DLG5: variants seen among roughly 807,000 people sequenced by gnomAD.
DLG5 encodes the protein disks large homolog 5.
Under a neutral mutation model 189.8 loss-of-function variants are expected in DLG5, and 48 were observed. The observed-to-expected ratio is 0.25, with a 90% CI of 0.20 to 0.32. DLG5 has a LOEUF of 0.32. DLG5 is among the 10% of genes least tolerant of loss of function. The pLI is 1.00. For missense variants in DLG5, 2,160 were observed against 2,544.7 expected, an observed-to-expected ratio of 0.85 and a Z score of 3.25; for synonymous variants, 1,016 against 1,054.1, an observed-to-expected ratio of 0.96 and a Z score of 0.70.
At chr10:77,833,818 C>T in intron 9 of DLG5, 96 bp downstream of exon 9, 4 of 1,534,716 alleles carry the variant, frequency 2.6e-6, no homozygotes, top group Non-Finnish European at 3.5e-6. Context: ...GGATGAGGCC[C>T]TGGCCAATGC....
At chr10:77,897,635 G>A (rs930062170) in intron 1 of DLG5, among the ~76,000 whole-genome samples, 2 of 149,296 alleles carry the variant, frequency 1.3e-5, no homozygotes, top group South Asian at 2.2e-4. Context: ...ACCAGCCTGG[G>A]CAACATAGTG....
chr10:77,817,175 G>C (rs1866435), intron 18 of DLG5, 79 bp from the exon 19 acceptor site: 4 of 1,307,562 alleles, frequency 3.1e-6, no homozygotes, highest in Non-Finnish European at 4.4e-6. Context: ...CAGGCTACCA[G>C]TCAGGATAAT....
At chr10:77,806,731 C>A in intron 26 of DLG5, 27 bp downstream of exon 26, 2 of 1,572,174 alleles carry the variant, frequency 1.3e-6, no homozygotes, top group South Asian at 1.1e-5. Flanking sequence ...CCTGCCCCAC[C>A]CCACCCCAGG....
At chr10:77,832,125 C>G (rs188378490) in intron 9 of DLG5, among the ~76,000 whole-genome samples, 1 of 152,098 alleles carries the variant, frequency 6.6e-6, no homozygotes, top group Non-Finnish European at 1.5e-5. Context: ...CAAGAATCAC[C>G]TGAACCCAGG....
intron 20 of DLG5, 144 bp downstream of exon 20, chr10:77,816,407 T>C (rs970299926): frequency 6.4e-5 from 83 of 1,306,114 alleles, no homozygotes; most frequent in Non-Finnish European, 8.4e-5. Flanking sequence ...CCATGGCACT[T>C]ACTGGTGACA....
chr10:77,879,640 T>G (rs1293187826), intron 1 of DLG5, among the ~76,000 whole-genome samples: 1 of 151,512 alleles, frequency 6.6e-6, no homozygotes, highest in African/African-American at 2.4e-5. Context: ...GAGCTTTTCT[T>G]TCTTTCCTAT....
At chr10:77,868,269 T>TATTTA (rs1844768083) in intron 2 of DLG5, 1 of 370,522 alleles carries the variant, frequency 2.7e-6, no homozygotes, top group Admixed American at 3.3e-5. Context: ...TTACTGCAGC[T>TATTTA]ACTTATTTAA....
At chr10:77,806,020 A>AGG in intron 26 of DLG5, 159 bp from the exon 27 acceptor site, 1 of 668,246 alleles carries the variant, frequency 1.5e-6, no homozygotes, top group Non-Finnish European at 2.5e-6. Context: ...CGCCCCTGGG[A>AGG]ACCCTCGGTA....
chr10:77,816,692 G>A lies in DLG5; in HGVS notation c.3884C>T (p.Ser1295Leu), dbSNP rs1842070054. Residue 1295 changes from serine to leucine, a missense_variant, in exon 20 of 32, where the codon TCA becomes TTA. By Grantham distance (145) the Ser-to-Leu change is moderately radical. This residue lies in a region of DLG5 where 754 missense variants were observed against 746.5 expected (regional missense o/e 1.01). Coordinates refer to ENST00000372391, the MANE Select transcript of DLG5 (RefSeq NM_004747.4). ...SVVGSERGSV[S>L]HSECSTPPQS... ...TGGAGGAGTGCTGCATTCAGAATGTGACACTGAACCTGCAGAGAGGAGCGG... is the reference window on the plus strand; with the variant it reads ...TGGAGGAGTGCTGCATTCAGAATGTAACACTGAACCTGCAGAGAGGAGCGG... 6.2e-7 allele frequency: 1 copy of A among 1,609,070 alleles called. No homozygotes were observed. Among genetic ancestry groups the A allele is most frequent in the African/African-American group, 1.3e-5 (1 of 74,888 alleles).
At chr10:77,930,257 C>T (rs965659034), upstream of DLG5, among the ~76,000 whole-genome samples, 3 of 152,218 alleles carry the variant, frequency 2.0e-5, no homozygotes, top group South Asian at 2.1e-4. Context: ...ACATTGGGAC[C>T]TCCACATCTC....
intron 8 of DLG5, among the ~76,000 whole-genome samples, chr10:77,834,896 G>T (rs528015983): frequency 3.9e-5 from 6 of 152,162 alleles, no homozygotes; most frequent in Non-Finnish European, 8.8e-5. Context: ...CTCATCTCCT[G>T]ACCAGCCCCT....
intron 3 of DLG5, 84 bp downstream of exon 3, chr10:77,856,646 G>C: frequency 6.5e-7 from 1 of 1,538,330 alleles, no homozygotes; most frequent in Non-Finnish European, 8.9e-7. Context: ...CCAGGAGCCA[G>C]GGGTGTTTGG....
upstream of DLG5, chr10:77,927,563 T>C (rs557716443): frequency 3.3e-5 from 5 of 151,968 alleles, no homozygotes; most frequent in South Asian, 6.3e-4. Context: ...GTCCCCAGAG[T>C]GTAAAGGAGT....
At chr10:77,798,103 C>T (rs1052880179) in intron 27 of DLG5, among the ~76,000 whole-genome samples, 1 of 152,150 alleles carries the variant, frequency 6.6e-6, no homozygotes, top group Non-Finnish European at 1.5e-5. Flanking sequence ...ACAACAATCA[C>T]TTGAACCCAG....
At chr10:77,826,489 C>T (rs528076167) in intron 13 of DLG5, among the ~76,000 whole-genome samples, 79 of 152,068 alleles carry the variant, frequency 5.2e-4, no homozygotes, top group African/African-American at 1.9e-3. Flanking sequence ...ACTAGCAGGG[C>T]GTGATGGCAC....
rs1017683733 is a variant in DLG5 at position 77,857,024 on chromosome 10, C to T, written c.374-132G>A. ...GTGGGTCCTCTTAGCATTCCCCTTT[C>T]ACAGATGAGAACACTGAGCCACAGA... On this transcript the variant is annotated intron_variant, in intron 2 of 31. Transcript: ENST00000372391. 1.6e-5 allele frequency: 13 copies of T among 801,782 alleles called. No individual in the cohort carries two copies. In the African/African-American group the frequency reaches 2.3e-4, roughly 14 times the overall value. 49.7% of individuals were successfully genotyped at this position (801,782 alleles called of 1,614,324 possible). A position where few individuals can be genotyped will look rare whatever the true frequency, so the allele number is the denominator to read the frequency against.
At chr10:77,914,639 CT>C (rs955672746) in intron 1 of DLG5, among the ~76,000 whole-genome samples, 5 of 152,120 alleles carry the variant, frequency 3.3e-5, no homozygotes, top group African/African-American at 1.2e-4. Context: ...AGAATGCCCC[CT>C]GGGTCATTCA....
At chr10:77,901,448 C>G (rs1845924087) in intron 1 of DLG5, among the ~76,000 whole-genome samples, 1 of 152,190 alleles carries the variant, frequency 6.6e-6, no homozygotes, top group Non-Finnish European at 1.5e-5. Context: ...GCTGGGTGCA[C>G]CTGAGCAAAC....
At chr10:77,939,259 G>A in the DLG5 span, among the ~76,000 whole-genome samples, 170 of 152,234 alleles carry the variant, frequency 1.1e-3, 3 homozygotes, top group South Asian at 0.021. Context: ...TGGGGAATAA[G>A]CCAGAAATCA....
Sources: gnomAD v4.1 joint callset for allele counts (sites outside exome capture counted in the v4.1 genomes callset) on GRCh38, gnomAD v4.1.1 for gene constraint, gnomAD v4.1.1 regional missense constraint, MANE v1.5 for transcripts, NCBI Gene and HGNC (gene_info 2026-07-23, HGNC 2026-07-21) for gene names.